Variants in PPIG observed in about 807,000 individuals in gnomAD.
PPIG encodes peptidyl-prolyl cis-trans isomerase G.
In PPIG, 26 loss-of-function variants were observed where a neutral mutation model predicts 87.9. The observed-to-expected ratio is 0.30, with a 90% CI of 0.22 to 0.41. The LOEUF (loss-of-function observed/expected upper bound fraction) is 0.41. Ranked by LOEUF, PPIG falls within the 10% of genes least tolerant of loss-of-function variation. The pLI, the probability that PPIG is intolerant of heterozygous loss-of-function variation, is 1.00. For synonymous variants in PPIG, 308 were observed against 276.5 expected, an observed-to-expected ratio of 1.11 and a Z score of -1.13; for missense variants, 722 against 879.4, an observed-to-expected ratio of 0.82 and a Z score of 2.26.
intron 9 of PPIG, among the ~76,000 whole-genome samples, chr2:169,621,814 A>G (rs993616540): frequency 6.6e-6 from 1 of 151,812 alleles, no homozygotes; most frequent in Non-Finnish European, 1.5e-5. Flanking sequence ...TTAAGTGGCC[A>G]GGCACGGTGG....
At chr2:169,604,378 T>G in intron 4 of PPIG, 117 bp downstream of exon 4, 127 of 814,876 alleles carry the variant, frequency 1.6e-4, no homozygotes, top group Non-Finnish European at 2.1e-4. Context: ...TGCAACGTTG[T>G]CCAACTGGAC....
chr2:169,603,331 T>C (rs1212834601), intron 1 of PPIG, among the ~76,000 whole-genome samples: 1 of 152,152 alleles, frequency 6.6e-6, no homozygotes, highest in African/African-American at 2.4e-5. Context: ...AAATAATAGC[T>C]TTCTGTTATG....
intron 11 of PPIG, among the ~76,000 whole-genome samples, chr2:169,632,930 C>T (rs1310569938): frequency 6.6e-6 from 1 of 151,368 alleles, no homozygotes; most frequent in African/African-American, 2.4e-5. Context: ...ACTTGAGCCA[C>T]CATGCCCAGC....
intron 9 of PPIG, among the ~76,000 whole-genome samples, chr2:169,618,048 A>G (rs985232012): frequency 6.6e-6 from 1 of 152,148 alleles, no homozygotes; most frequent in African/African-American, 2.4e-5. Flanking sequence ...GTTTATTGAG[A>G]GTTTTTAGCA....
At chr2:169,599,794 A>G (rs745690919) in intron 1 of PPIG, among the ~76,000 whole-genome samples, 1 of 152,200 alleles carries the variant, frequency 6.6e-6, no homozygotes, top group African/African-American at 2.4e-5. Flanking sequence ...GGATAACCCT[A>G]CTCAATGAAT....
At chr2:169,629,185 T>C (rs1443510758) in intron 9 of PPIG, among the ~76,000 whole-genome samples, 1 of 152,202 alleles carries the variant, frequency 6.6e-6, no homozygotes, top group African/African-American at 2.4e-5. Flanking sequence ...AATATAACAC[T>C]TTTTCTTTAG....
intron 7 of PPIG, among the ~76,000 whole-genome samples, chr2:169,613,041 G>A (rs973437452): frequency 1.3e-5 from 2 of 152,160 alleles, no homozygotes; most frequent in Admixed American, 6.5e-5. Flanking sequence ...TACCATGAAA[G>A]CACCACAAGC....
At chr2:169,628,114 G>C (rs151324499) in intron 9 of PPIG, among the ~76,000 whole-genome samples, 1 of 152,052 alleles carries the variant, frequency 6.6e-6, no homozygotes, top group Non-Finnish European at 1.5e-5. Context: ...AGTTGGGCTC[G>C]TGAGACAAAA....
intron 6 of PPIG, among the ~76,000 whole-genome samples, chr2:169,607,406 A>G (rs2105491411): frequency 6.6e-6 from 1 of 152,300 alleles, no homozygotes; most frequent in South Asian, 2.1e-4. Context: ...TAATGATAGA[A>G]TAGGAACTTC....
At chr2:169,624,661 C>G (rs980881940) in intron 9 of PPIG, among the ~76,000 whole-genome samples, 3 of 152,174 alleles carry the variant, frequency 2.0e-5, no homozygotes, top group Admixed American at 2.0e-4. Flanking sequence ...GTTCTCGGCT[C>G]ACTGCAAGCT....
At chr2:169,609,081 CAAAAA>C (rs577846491) in intron 7 of PPIG, among the ~76,000 whole-genome samples, 1 of 105,860 alleles carries the variant, frequency 9.4e-6, no homozygotes, top group Non-Finnish European at 1.9e-5. Flanking sequence ...AAGACTGTCT[CAAAAA>C]AAAAAAAAAA....
In PPIG at chr2:169,637,937, C is replaced by G. The variant is rs1686226937; in HGVS notation, c.*414C>G. 6.5e-6 allele frequency: 1 copy of G among 153,296 alleles called. No individual in the cohort carries two copies. The highest frequency in any genetic ancestry group is 1.5e-5 in the Non-Finnish European group (1 of 68,870). The allele number at this position is 153,296 out of a possible 1,614,324, so 9.5% of individuals were successfully genotyped here. On this transcript the variant is annotated 3_prime_UTR_variant, in exon 14 of 14. Transcript: ENST00000260970. ...CTAGAAGACATCTTGTATAGATTTTCTGATTGCGTTATAAATAGAGGTTTG... is the reference window on the plus strand; with the variant it reads ...CTAGAAGACATCTTGTATAGATTTTGTGATTGCGTTATAAATAGAGGTTTG...
intron 4 of PPIG, among the ~76,000 whole-genome samples, chr2:169,605,027 A>G (rs752888923): frequency 6.6e-6 from 1 of 151,912 alleles, no homozygotes; most frequent in Non-Finnish European, 1.5e-5. Flanking sequence ...GTGAAACCCC[A>G]TCTCTACTAA....
rs188016432 is a variant in PPIG at position 169,608,431 on chromosome 2, A to C, written c.290-240A>C. ...GTGAACCCAGGAGGTGGAGCTTAACAGTGAGCCGAGATTGGGCCACTGCAC... is the reference window on the plus strand; with the variant it reads ...GTGAACCCAGGAGGTGGAGCTTAACCGTGAGCCGAGATTGGGCCACTGCAC... On this transcript the variant is annotated intron_variant, in intron 6 of 13. Coordinates refer to ENST00000260970, the MANE Select transcript of PPIG (RefSeq NM_004792.3). 7.1e-4 allele frequency among the ~76,000 whole-genome samples: 107 copies of C among 151,690 alleles called. 2 individuals are homozygous for C. The highest frequency in any genetic ancestry group is 1.9e-4 in the Non-Finnish European group (13 of 67,910).
At chr2:169,597,741 C>G (rs1685058899) in intron 1 of PPIG, among the ~76,000 whole-genome samples, 1 of 152,096 alleles carries the variant, frequency 6.6e-6, no homozygotes, top group South Asian at 2.1e-4. Flanking sequence ...TCAGGTGATC[C>G]ACTTGCCTTG....
rs1339200920 is a variant in PPIG, at chr2:169,638,058, G to C, written c.*535G>C. On this transcript the variant is annotated 3_prime_UTR_variant, in exon 14 of 14. Coordinates refer to ENST00000260970, the MANE Select transcript of PPIG (RefSeq NM_004792.3). Reference sequence around the variant, plus strand: ...TTATAGTAATTTGTGCTTTAAAATAGATGTATTTATATTGCACTTCATACT... The same window carrying C: ...TTATAGTAATTTGTGCTTTAAAATACATGTATTTATATTGCACTTCATACT... 1 of 152,122 alleles carries C rather than the reference G, an allele frequency of 6.6e-6. No homozygotes were observed. The highest frequency in any genetic ancestry group is 6.6e-5 in the Admixed American group (1 of 15,244). The allele number at this position is 152,122 out of a possible 1,614,324, so 9.4% of individuals were successfully genotyped here.
chr2:169,610,246 G>C (rs1685449933), intron 7 of PPIG, among the ~76,000 whole-genome samples: 1 of 152,136 alleles, frequency 6.6e-6, no homozygotes. Context: ...TTGATTCCTA[G>C]AATGAACAGT....
At chr2:169,619,688 G>A (rs901451164) in intron 9 of PPIG, among the ~76,000 whole-genome samples, 9 of 151,674 alleles carry the variant, frequency 5.9e-5, no homozygotes, top group Non-Finnish European at 1.3e-4. Flanking sequence ...TGGCTGTACC[G>A]ATTTACATTC....
intron 9 of PPIG, among the ~76,000 whole-genome samples, chr2:169,617,603 T>G (rs745994928): frequency 6.6e-6 from 1 of 152,238 alleles, no homozygotes; most frequent in Non-Finnish European, 1.5e-5. Flanking sequence ...CTAGGTTTTT[T>G]ATTCTCTTTG....
Sources: gnomAD v4.1 joint callset for allele counts (sites outside exome capture counted in the v4.1 genomes callset) on GRCh38, gnomAD v4.1.1 for gene constraint, MANE v1.5 for transcripts, NCBI Gene and HGNC (gene_info 2026-07-23, HGNC 2026-07-21) for gene names.